Variants in AP2A2 observed in about 807,000 individuals in gnomAD.
AP2A2 encodes adaptor related protein complex 2 subunit alpha 2, also known as AP-2 complex subunit alpha-2.
A neutral mutation model predicts 104.2 loss-of-function variants in AP2A2; 32 were observed. That is an observed-to-expected ratio of 0.31 (90% confidence interval 0.23 to 0.41). The LOEUF (loss-of-function observed/expected upper bound fraction) is 0.41, where lower values mean the gene tolerates loss of function less well. AP2A2 is among the 10% of genes least tolerant of loss of function. The pLI, the probability that AP2A2 is intolerant of heterozygous loss-of-function variation, is 1.00. For missense variants in AP2A2, 912 were observed against 1,261.0 expected (o/e 0.72, Z 4.19); for synonymous variants, 539 against 533.3 (o/e 1.01, Z -0.15).
intron 4 of AP2A2, among the ~76,000 whole-genome samples, chr11:976,798 A>G (rs1420903742): frequency 6.6e-6 from 1 of 152,196 alleles, no homozygotes; most frequent in Non-Finnish European, 1.5e-5. Flanking sequence ...ATTAAGTTGT[A>G]ACAACAACAA....
rs538305710 is a variant in AP2A2, at chr11:971,825, G to T, written c.280-237G>T. Among the ~76,000 whole-genome samples the T allele has an allele frequency of 2.0e-3, 300 of 152,346 alleles. 2 individuals carry two copies. The highest frequency in any genetic ancestry group is 7.0e-3 in the African/African-American group (292 of 41,578). ...ATCTGGCTCGTGGCACGCTAGTCAGGTGTGCCCCACAGGAACGCTGCGCCA... is the reference window on the plus strand; with the variant it reads ...ATCTGGCTCGTGGCACGCTAGTCAGTTGTGCCCCACAGGAACGCTGCGCCA... On this transcript the variant is annotated intron_variant, in intron 3 of 21. Transcript: ENST00000448903.
intron 2 of AP2A2, among the ~76,000 whole-genome samples, chr11:964,534 G>A (rs1242437859): frequency 1.3e-5 from 2 of 152,146 alleles, no homozygotes; most frequent in African/African-American, 2.4e-5. Context: ...TTAATTTGGG[G>A]CCCTGTTCCT....
rs944809530 is a variant in AP2A2 at position 970,819 on chromosome 11, G to A, written c.279+508G>A. Among the ~76,000 whole-genome samples, 8 of 152,330 alleles carry A rather than the reference G, an allele frequency of 5.3e-5. No individual in the cohort carries two copies. In the East Asian group the frequency reaches 5.8e-4, roughly 11 times the overall value. On this transcript the variant is annotated intron_variant, in intron 3 of 21. Coordinates refer to ENST00000448903, the MANE Select transcript of AP2A2 (RefSeq NM_012305.4). ...GGACAGCTTTGTTTCTGCAGTAGGC[G>A]CTGGAGGCACATGGCTGGGTCTTGG...
At chr11:935,603 G>GGTTTTTTTTTTTT (rs1853428341) in intron 1 of AP2A2, among the ~76,000 whole-genome samples, 1 of 77,988 alleles carries the variant, frequency 1.3e-5, no homozygotes, top group South Asian at 8.1e-4. Flanking sequence ...TGCCCGGCCA[G>GGTTTTTTTTTTTT]TTTTTTTTTT....
At chr11:959,669 A>C (rs777334995) in intron 2 of AP2A2, among the ~76,000 whole-genome samples, 164 bp downstream of exon 2, 3 of 152,158 alleles carry the variant, frequency 2.0e-5, no homozygotes, top group Non-Finnish European at 2.9e-5. Flanking sequence ...GCATGTGTGG[A>C]GCTGGTTAGG....
Position 1,007,165 on chromosome 11 carries a change from C to T in AP2A2, c.2296+548C>T, listed in dbSNP as rs181302378. ...GGATAGGCCCGCCAAATAGAGTTAG[C>T]GTGAAGACCCCAGCTTGACCAGAGA... On this transcript the variant is annotated intron_variant, in intron 17 of 21. Coordinates refer to ENST00000448903, the MANE Select transcript of AP2A2 (RefSeq NM_012305.4). 5.1e-3 allele frequency: 792 copies of T among 155,072 alleles called. 4 individuals carry two copies. The highest frequency in any genetic ancestry group is 9.1e-3 in the Non-Finnish European group (626 of 68,784). The allele number at this position is 155,072 out of a possible 1,614,324, so 9.6% of individuals were successfully genotyped here.
At chr11:926,972 C>G (rs2134440415) in intron 1 of AP2A2, among the ~76,000 whole-genome samples, 1 of 152,364 alleles carries the variant, frequency 6.6e-6, no homozygotes, top group Non-Finnish European at 1.5e-5. Flanking sequence ...CAGAGGCCAT[C>G]TCCTTATTTA....
At chr11:926,794 C>T (rs1853135144) in intron 1 of AP2A2, among the ~76,000 whole-genome samples, 1 of 152,160 alleles carries the variant, frequency 6.6e-6, no homozygotes, top group Non-Finnish European at 1.5e-5. Context: ...AATCACAGAC[C>T]TCGTTCTCAG....
In AP2A2 at chr11:985,452, C is replaced by T. The variant is rs1017852463; in HGVS notation, c.832C>T (p.Arg278Cys). ...CCCAGAAGACCCTGCAGTGCGAGGC[C>T]GCCTGACTGAGTGCCTGGAGACCAT... ...YPPPDPAVRG[R>C]LTECLETILN... Residue 278 changes from arginine (R) to cysteine (C), a missense_variant, in exon 8 of 22, where the codon CGC becomes TGC. By Grantham distance (180) the Arg-to-Cys change is radical (BLOSUM62 -3). Around this residue, in one of 7 missense-constraint regions of AP2A2, gnomAD observed 350 missense variants for 487.0 expected, o/e 0.72. Coordinates refer to ENST00000448903, the MANE Select transcript of AP2A2 (RefSeq NM_012305.4). 14 of 1,613,794 alleles carry T rather than the reference C, an allele frequency of 8.7e-6. No individual in the cohort carries two copies. Among genetic ancestry groups the T allele is most frequent in the African/African-American group, 1.3e-5 (1 of 74,916 alleles).
chr11:926,931 A>G (rs1420073795), intron 1 of AP2A2, among the ~76,000 whole-genome samples: 3 of 152,244 alleles, frequency 2.0e-5, no homozygotes, highest in African/African-American at 7.2e-5. Flanking sequence ...AATTAATTTG[A>G]CTTTGGTGTG....
At chr11:927,213 C>T (rs1340803612) in intron 1 of AP2A2, among the ~76,000 whole-genome samples, 1 of 151,246 alleles carries the variant, frequency 6.6e-6, no homozygotes, top group African/African-American at 2.4e-5. Context: ...CGTGCACCAC[C>T]ACCATGCCTG....
At chr11:1,003,591 A>G in intron 15 of AP2A2, 131 bp from the exon 16 acceptor site, 3 of 558,400 alleles carry the variant, frequency 5.4e-6, no homozygotes, top group Non-Finnish European at 9.5e-6. Flanking sequence ...AATAGTTTCC[A>G]CTTTTTTCTT....
At chr11:931,830 G>A (rs1853302202) in intron 1 of AP2A2, among the ~76,000 whole-genome samples, 4 of 143,656 alleles carry the variant, frequency 2.8e-5, no homozygotes, top group Admixed American at 2.1e-4. Context: ...TTGAGGCAGA[G>A]TCTCCCTCTG....
At chr11:956,707 T>G (rs1363394106) in intron 1 of AP2A2, 2 of 152,234 alleles carry the variant, frequency 1.3e-5, no homozygotes, top group African/African-American at 4.8e-5. Context: ...CGAGGTCCCT[T>G]TAGCAATAGA....
At chr11:1,003,385 G>T (rs912475224) in intron 15 of AP2A2, among the ~76,000 whole-genome samples, 1 of 152,388 alleles carries the variant, frequency 6.6e-6, no homozygotes, top group South Asian at 2.1e-4. Flanking sequence ...GGAGTCTGTG[G>T]TGGGGCCAGA....
intron 4 of AP2A2, 97 bp downstream of exon 4, chr11:972,352 C>G: frequency 7.8e-7 from 1 of 1,281,182 alleles, no homozygotes; most frequent in Admixed American, 2.7e-5. Flanking sequence ...AAATGTTTTA[C>G]TCTCCCCATC....
chr11:941,649 G>C (rs1252539135), intron 1 of AP2A2, among the ~76,000 whole-genome samples: 2 of 151,440 alleles, frequency 1.3e-5, no homozygotes, highest in African/African-American at 2.4e-5. Context: ...GTGCAGTGGC[G>C]TGATCTCGGC....
chr11:974,008 C>T (rs1008651875), intron 4 of AP2A2, among the ~76,000 whole-genome samples: 1 of 152,218 alleles, frequency 6.6e-6, no homozygotes. Flanking sequence ...CTACCTGAAC[C>T]GAGGACCTGC....
At chr11:970,338 C>T (rs2134619300) in intron 3 of AP2A2, 27 bp downstream of exon 3, 1 of 1,608,560 alleles carries the variant, frequency 6.2e-7, no homozygotes, top group South Asian at 1.1e-5. Flanking sequence ...GTGGAGACGG[C>T]AGAGGATGGC....
Sources: gnomAD v4.1 joint callset for allele counts (sites outside exome capture counted in the v4.1 genomes callset) on GRCh38, gnomAD v4.1.1 for gene constraint, gnomAD v4.1.1 regional missense constraint, MANE v1.5 for transcripts, NCBI Gene and HGNC (gene_info 2026-07-23, HGNC 2026-07-21) for gene names.